Variants in COL23A1 observed in about 807,000 individuals in gnomAD.
COL23A1 encodes the protein collagen type XXIII alpha 1 chain.
A neutral mutation model predicts 99.3 loss-of-function variants in COL23A1; 97 were observed. The observed-to-expected ratio is 0.98, with a 90% CI of 0.83 to 1.16. COL23A1 has a LOEUF of 1.16. Among genes scored for constraint, COL23A1 ranks in the 50% most tolerant of loss-of-function variants. COL23A1 has a pLI of 0.00. For missense variants in COL23A1, 762 were observed against 757.4 expected (o/e 1.01, Z -0.07); for synonymous variants, 320 against 308.2 (o/e 1.04, Z -0.40).
intron 2 of COL23A1, among the ~76,000 whole-genome samples, chr5:178,426,632 C>T (rs572662486): frequency 1.1e-4 from 17 of 152,328 alleles, no homozygotes; most frequent in Middle Eastern, 3.4e-3. Flanking sequence ...ACCAACTTCC[C>T]TACTGCTGCG....
chr5:178,405,572 G>A lies in COL23A1; in HGVS notation c.362-98653C>T, dbSNP rs143929065. 7.9e-4 allele frequency among the ~76,000 whole-genome samples: 120 copies of A among 152,182 alleles called. 1 individual carries two copies. In the East Asian group the frequency reaches 9.1e-3, roughly 11 times the overall value. Reference sequence around the variant, plus strand: ...ACATACCCAAATGTGACATGCAATCGCACCTACTGTTGAAACTCTGAAAGC... The same window carrying A: ...ACATACCCAAATGTGACATGCAATCACACCTACTGTTGAAACTCTGAAAGC... On this transcript the variant is annotated intron_variant, in intron 2 of 28. Coordinates refer to ENST00000390654, the MANE Select transcript of COL23A1 (RefSeq NM_173465.4).
At chr5:178,551,724 A>G (rs1243009155) in intron 2 of COL23A1, among the ~76,000 whole-genome samples, 4 of 152,134 alleles carry the variant, frequency 2.6e-5, no homozygotes, top group Non-Finnish European at 5.9e-5. Context: ...GGGATGCTGC[A>G]GTGAACCAGG....
intron 2 of COL23A1, among the ~76,000 whole-genome samples, chr5:178,364,940 T>C (rs1352054658): frequency 1.3e-5 from 2 of 152,204 alleles, no homozygotes; most frequent in Non-Finnish European, 2.9e-5. Context: ...CTGAACTGGC[T>C]TGGAAGCCTG....
chr5:178,376,729 G>T lies in COL23A1; in HGVS notation c.362-69810C>A, dbSNP rs1763089916. Among the ~76,000 whole-genome samples, 3 of 152,178 alleles carry T rather than the reference G, an allele frequency of 2.0e-5. No homozygotes were observed. In the South Asian group the frequency reaches 6.2e-4, roughly 31 times the overall value. ...GAACCAGATGCTTCTTTGTGTAAGG[G>T]GTGCAAGCTTCCACATGCAGCTGAG... On this transcript the variant is annotated intron_variant, in intron 2 of 28. Coordinates refer to ENST00000390654, the MANE Select transcript of COL23A1 (RefSeq NM_173465.4).
intron 25 of COL23A1, among the ~76,000 whole-genome samples, chr5:178,243,644 G>A (rs531747219): frequency 4.7e-4 from 71 of 152,324 alleles, no homozygotes; most frequent in African/African-American, 1.7e-3. Context: ...GGAGGGAAGG[G>A]CTGTTCTATC....
At chr5:178,377,014 C>A (rs1024073590) in intron 2 of COL23A1, among the ~76,000 whole-genome samples, 1 of 152,222 alleles carries the variant, frequency 6.6e-6, no homozygotes, top group East Asian at 1.9e-4. Flanking sequence ...TACTCATCAC[C>A]TCTTGAAGGG....
In COL23A1 at chr5:178,255,441, T is replaced by C. The variant is rs1333785355; in HGVS notation, c.883-415A>G. ...CCATTTCCCAGCCTCTGGGAGCGGCTGCACACGCCAAGCACCCACACGCCT... is the reference window on the plus strand; with the variant it reads ...CCATTTCCCAGCCTCTGGGAGCGGCCGCACACGCCAAGCACCCACACGCCT... On this transcript the variant is annotated intron_variant, in intron 15 of 28. Transcript: ENST00000390654. The surrounding 1 kb of genome is among the most constrained non-coding windows in gnomAD (Gnocchi z 4.2). Among the ~76,000 whole-genome samples the C allele has an allele frequency of 6.6e-6, 1 of 150,998 alleles. No individual in the cohort carries two copies. The highest frequency in any genetic ancestry group is 1.5e-5 in the Non-Finnish European group (1 of 67,736).
intron 2 of COL23A1, among the ~76,000 whole-genome samples, chr5:178,443,532 C>T (rs1489432445): frequency 3.3e-5 from 5 of 152,226 alleles, no homozygotes; most frequent in Non-Finnish European, 5.9e-5. Flanking sequence ...ACGATCTCGG[C>T]TCACTGCAAT....
intron 2 of COL23A1, among the ~76,000 whole-genome samples, chr5:178,312,791 G>T (rs994760070): frequency 6.7e-6 from 1 of 150,358 alleles, no homozygotes; most frequent in Non-Finnish European, 1.5e-5. Flanking sequence ...CCTTCAGCCA[G>T]CCCCTGAGGA....
At position 178,403,490 on chromosome 5, in the gene COL23A1, G is replaced by A. The variant is rs142618148; in HGVS notation, c.362-96571C>T. Among the ~76,000 whole-genome samples the A allele has an allele frequency of 1.5e-3, 226 of 152,254 alleles. 1 individual carries two copies. The highest frequency in any genetic ancestry group is 5.0e-3 in the African/African-American group (207 of 41,530). The stretch of plus-strand genomic sequence containing the variant: ...GTGGGATTGTTCTTCCTATTTCATC[G>A]ATGGTGTCCACTCAGCCAGTGAGAC... On this transcript the variant is annotated intron_variant, in intron 2 of 28. Coordinates refer to ENST00000390654, the MANE Select transcript of COL23A1 (RefSeq NM_173465.4).
At chr5:178,471,486 G>T (rs865945465) in intron 2 of COL23A1, among the ~76,000 whole-genome samples, 2 of 151,660 alleles carry the variant, frequency 1.3e-5, no homozygotes, top group South Asian at 2.1e-4. Flanking sequence ...TGATCTACCC[G>T]CCTCGGCCTC....
intron 2 of COL23A1, among the ~76,000 whole-genome samples, chr5:178,355,288 A>AG (rs1761575208): frequency 6.6e-6 from 1 of 152,180 alleles, no homozygotes; most frequent in African/African-American, 2.4e-5. Context: ...AAATAAGATA[A>AG]ATAAAATAAA....
chr5:178,400,650 CTT>C (rs70995002), intron 2 of COL23A1, among the ~76,000 whole-genome samples: 3 of 147,912 alleles, frequency 2.0e-5, no homozygotes, highest in Non-Finnish European at 4.5e-5. Flanking sequence ...ATCTCCAGAA[CTT>C]TTTTTTTTTT....
intron 2 of COL23A1, among the ~76,000 whole-genome samples, chr5:178,389,310 C>T (rs1369755119): frequency 1.3e-5 from 2 of 152,216 alleles, no homozygotes; most frequent in Non-Finnish European, 2.9e-5. Flanking sequence ...AAGCCCTCTC[C>T]CATTCCCTTT....
chr5:178,392,193 T>C (rs543076409), intron 2 of COL23A1, among the ~76,000 whole-genome samples: 3 of 151,584 alleles, frequency 2.0e-5, no homozygotes, highest in Non-Finnish European at 4.4e-5. Flanking sequence ...TCTGTGAGTA[T>C]AATAAAAACC....
intron 5 of COL23A1, among the ~76,000 whole-genome samples, chr5:178,286,432 A>AGGCCC (rs910816379): frequency 1.3e-5 from 2 of 152,108 alleles, no homozygotes; most frequent in African/African-American, 2.4e-5. Context: ...TCTCCAGGCC[A>AGGCCC]GGCCCAGGTG....
chr5:178,278,566 C>T (rs1458817594), intron 5 of COL23A1, among the ~76,000 whole-genome samples: 4 of 152,180 alleles, frequency 2.6e-5, no homozygotes, highest in Admixed American at 1.3e-4. Context: ...TCTATTTTCT[C>T]ACTTGCCGGC....
intron 1 of COL23A1, among the ~76,000 whole-genome samples, chr5:178,565,961 C>CAAAA (rs555054624): frequency 2.8e-4 from 28 of 98,394 alleles, no homozygotes; most frequent in African/African-American, 9.1e-4. Flanking sequence ...AAAAAAAATA[C>CAAAA]AAAAAAAAAA....
chr5:178,389,999 C>T (rs1763881607), intron 2 of COL23A1, among the ~76,000 whole-genome samples: 2 of 152,194 alleles, frequency 1.3e-5, no homozygotes, highest in Non-Finnish European at 2.9e-5. Context: ...GCGGGGTGCT[C>T]AGAGACTATG....
Sources: gnomAD v4.1 joint callset for allele counts (sites outside exome capture counted in the v4.1 genomes callset) on GRCh38, gnomAD v4.1.1 for gene constraint, Gnocchi (gnomAD v3.1) non-coding constraint, MANE v1.5 for transcripts, NCBI Gene and HGNC (gene_info 2026-07-23, HGNC 2026-07-21) for gene names.